COL6A3: variants seen among roughly 807,000 people sequenced by gnomAD.
COL6A3 encodes the protein collagen type VI alpha 3 chain, also known as collagen alpha-3(VI) chain.
COL6A3 carries 137 observed loss-of-function variants against 274.1 expected under a neutral mutation model. The observed-to-expected ratio is 0.50, with a 90% CI of 0.44 to 0.58. COL6A3 has a LOEUF of 0.58. Ranked by LOEUF, COL6A3 falls within the 20% of genes least tolerant of loss-of-function variation. The pLI is 0.00. For synonymous variants in COL6A3, 1,650 were observed against 1,650.6 expected (o/e 1.00, Z 0.01); for missense variants, 3,950 against 4,124.9 (o/e 0.96, Z 1.16).
At position 237,378,757 on chromosome 2, in the gene COL6A3, G is replaced by T; in HGVS notation, c.2376C>A (p.Asn792Lys). 6.2e-7 allele frequency: 1 copy of T among 1,614,216 alleles called. No homozygotes were observed. Among genetic ancestry groups the T allele is most frequent in the Non-Finnish European group, 8.5e-7 (1 of 1,180,046 alleles). Residue 792 changes from asparagine to lysine, a missense_variant, in exon 6 of 44, where the codon AAC (asparagine) becomes AAA (lysine). Physicochemically the swap from Asn to Lys is moderately conservative, Grantham distance 94. Around this residue, in one of 5 missense-constraint regions of COL6A3, gnomAD observed 1,934 missense variants for 1,984.3 expected, o/e 0.97. Coordinates refer to ENST00000295550, the MANE Select transcript of COL6A3 (RefSeq NM_004369.4). ...NKAELEQIAF[N>K]PSLVYLMDDF... is the part of the protein sequence containing the mutation. ...CATCCATGAGATACACCAGGCTTGG[G>T]TTAAAAGCAATCTGCTCAAGCTCTG...
At chr2:237,386,826 G>A (rs776662871) in intron 4 of COL6A3, among the ~76,000 whole-genome samples, 1 of 152,164 alleles carries the variant, frequency 6.6e-6, no homozygotes, top group Non-Finnish European at 1.5e-5. Context: ...CAGTTCAAAA[G>A]GTAGAGGAGG....
chr2:237,327,057 A>G (rs1373079784), intron 42 of COL6A3: 2 of 152,246 alleles, frequency 1.3e-5, no homozygotes, highest in African/African-American at 4.8e-5. Flanking sequence ...GGAAGTCAGA[A>G]TAAAATGAAG....
At chr2:237,412,736 G>A (rs1251646782) in intron 1 of COL6A3, among the ~76,000 whole-genome samples, 6 of 152,162 alleles carry the variant, frequency 3.9e-5, no homozygotes, top group Admixed American at 3.9e-4. Context: ...GGGAGCTGGG[G>A]GATCCCAGGT....
At position 237,388,070 on chromosome 2, in the gene COL6A3, C is replaced by T. The variant is rs2078197320; in HGVS notation, c.824G>A (p.Gly275Glu). 1 of 1,614,050 alleles carries T rather than the reference C, an allele frequency of 6.2e-7. No individual in the cohort carries two copies. The highest frequency in any genetic ancestry group is 1.1e-5 in the South Asian group (1 of 91,088). The change falls in exon 4 of 44, where the codon GGA becomes GAA. Residue 275 changes from glycine (G) to glutamate (E), a missense_variant. Physicochemically the swap from Gly to Glu is moderately conservative, Grantham distance 98. This residue lies in a region of COL6A3 where 1,934 missense variants were observed against 1,984.3 expected (regional missense o/e 0.97). Transcript: ENST00000295550. ...CACCCCCACTCGGATCTGCTGAGTT[C>T]CAATTGGGAGTTTCTCAAGGAGATT... ...LVNLLEKLPI[G>E]TQQIRVGVVQ... is the part of the protein sequence containing the mutation.
chr2:237,359,060 C>A lies in COL6A3; in HGVS notation c.6383G>T (p.Gly2128Val), dbSNP rs1559225723. 1 of 1,614,144 alleles carries A rather than the reference C, an allele frequency of 6.2e-7. No homozygotes were observed. The highest frequency in any genetic ancestry group is 8.5e-7 in the Non-Finnish European group (1 of 1,179,984). The stretch of plus-strand genomic sequence containing the variant: ...CCTTCTTCCAGGATTCCCTTTCTCT[C>A]CAGAAGAACCAGGCAATCCTTTGTC... ...DGDKGLPGSS[G>V]EKGNPGRRGD... Residue 2128 changes from glycine to valine, a missense_variant, in exon 20 of 44, where the codon GGA becomes GTA. Gly to Val is a moderately radical substitution (Grantham distance 109). Transcript: ENST00000295550.
chr2:237,359,458 A>G (rs2077388292), intron 17 of COL6A3, 70 bp from the exon 18 acceptor site: 1 of 1,521,220 alleles, frequency 6.6e-7, no homozygotes, highest in Non-Finnish European at 9.1e-7. Context: ...AGAAGAGGCC[A>G]AGGGCTGTTC....
chr2:237,360,252 G>A (rs1409081852), intron 16 of COL6A3, 93 bp from the exon 17 acceptor site: 11 of 1,231,196 alleles, frequency 8.9e-6, no homozygotes, highest in African/African-American at 1.5e-5. Flanking sequence ...ACTGTGAACA[G>A]CATGCAGCAG....
rs2132783 is a variant in COL6A3, at chr2:237,364,521, C to T, written c.5839-93G>A. On this transcript the variant is annotated intron_variant, in intron 12 of 43. Transcript: ENST00000295550. This position sits in a 1 kb window ranked among gnomAD's most constrained non-coding sequence, Gnocchi z 4.6. ...ACTGAGAGACTCGCTGTCTCAAGCC[C>T]TTCATTTTACACTTAAGGAAACTGA... 2 of 983,602 alleles carry T rather than the reference C, an allele frequency of 2.0e-6. No individual in the cohort carries two copies. Among genetic ancestry groups the T allele is most frequent in the East Asian group, 2.4e-5 (1 of 41,684 alleles). The allele number at this position is 983,602 out of a possible 1,614,324, so 60.9% of individuals were successfully genotyped here.
intron 41 of COL6A3, among the ~76,000 whole-genome samples, 171 bp downstream of exon 41, chr2:237,334,455 T>G (rs1700424412): frequency 6.6e-6 from 1 of 152,230 alleles, no homozygotes; most frequent in African/African-American, 2.4e-5. Flanking sequence ...TTTTATAAGC[T>G]TAGGCTGCCA....
intron 20 of COL6A3, among the ~76,000 whole-genome samples, 159 bp from the exon 21 acceptor site, chr2:237,358,742 G>A (rs559229495): frequency 1.4e-4 from 21 of 152,200 alleles, no homozygotes; most frequent in South Asian, 4.2e-4. Context: ...TTTTTCATTC[G>A]TTTAGTAAAT....
intron 24 of COL6A3, among the ~76,000 whole-genome samples, chr2:237,353,742 G>C (rs2077256478): frequency 6.6e-6 from 1 of 152,120 alleles, no homozygotes; most frequent in Admixed American, 6.5e-5. Context: ...TCTGGAAGAG[G>C]CGCCCGCCCG....
rs747934984 is a variant in COL6A3, at chr2:237,344,842, C to T, written c.7176G>A (p.Gly2392=). The T allele has an allele frequency of 6.2e-7, 1 of 1,613,348 alleles. No individual in the cohort carries two copies. Among genetic ancestry groups the T allele is most frequent in the South Asian group, 1.1e-5 (1 of 91,074 alleles). Residue 2392 remains glycine, a splice_region_variant and synonymous_variant, in exon 36 of 44, where the codon GGG becomes GGA. Transcript: ENST00000295550. This position sits in a 1 kb window ranked among gnomAD's most constrained non-coding sequence, Gnocchi z 4.8. ...TTGGGAAGACGGGGCACTCCAGGGGCCCTGTGGAAAGTAGAGGGTGGAGGG... is the reference window on the plus strand; with the variant it reads ...TTGGGAAGACGGGGCACTCCAGGGGTCCTGTGGAAAGTAGAGGGTGGAGGG... The part of the protein sequence containing the change: ...SIKDKCPCCY[G]PLECPVFPTE...
At chr2:237,362,897 T>C (rs1574981850) in intron 14 of COL6A3, among the ~76,000 whole-genome samples, 1 of 152,322 alleles carries the variant, frequency 6.6e-6, no homozygotes, top group South Asian at 2.1e-4. Context: ...AGATTTCAGA[T>C]GCTCTTGACA....
At chr2:237,357,682 T>C (rs1388649823) in intron 22 of COL6A3, 135 bp downstream of exon 22, 6 of 943,342 alleles carry the variant, frequency 6.4e-6, no homozygotes, top group African/African-American at 3.2e-5. Flanking sequence ...TCACGGGGAC[T>C]CTGCTGCTAA....
rs1277749781 is a variant in COL6A3 at position 237,387,565 on chromosome 2, G to A, written c.1312+17C>T. 2 of 1,613,746 alleles carry A rather than the reference G, an allele frequency of 1.2e-6. No individual in the cohort carries two copies. The highest frequency in any genetic ancestry group is 1.7e-6 in the Non-Finnish European group (2 of 1,179,974). Reference sequence around the variant, plus strand: ...AACACCCCACTCCCACACAGATGGTGAGAAGAGGATACATACCTTGTGTGA... The same window carrying A: ...AACACCCCACTCCCACACAGATGGTAAGAAGAGGATACATACCTTGTGTGA... On this transcript the variant is annotated intron_variant, in intron 4 of 43. Transcript: ENST00000295550.
chr2:237,371,766 C>T lies in COL6A3; in HGVS notation c.4251G>A (p.Gln1417=). 6.2e-7 allele frequency: 1 copy of T among 1,610,998 alleles called. No individual in the cohort carries two copies. The highest frequency in any genetic ancestry group is 8.5e-7 in the Non-Finnish European group (1 of 1,177,664). Residue 1417 remains glutamine (Q), a synonymous_variant, in exon 9 of 44, where the codon CAG becomes CAA. Coordinates refer to ENST00000295550, the MANE Select transcript of COL6A3 (RefSeq NM_004369.4). The surrounding 1 kb of genome is among the most constrained non-coding windows in gnomAD (Gnocchi z 4.3). ...PITTLTSEQI[Q]KLLASTRYPP... ...GATAGCGAGTGCTGGCTAAGAGCTT[C>T]TGGATCTGCTCTGAGGTCAGGGTCG...
intron 27 of COL6A3, 24 bp from the exon 28 acceptor site, chr2:237,350,233 G>T (rs1201644750): frequency 6.2e-7 from 1 of 1,613,310 alleles, no homozygotes; most frequent in Admixed American, 1.7e-5. Context: ...ACATGGCTGA[G>T]ACCCTGTGGC....
At chr2:237,360,010 C>T in intron 17 of COL6A3, 78 bp downstream of exon 17, 1 of 1,458,620 alleles carries the variant, frequency 6.9e-7, no homozygotes, top group Non-Finnish European at 9.6e-7. Context: ...CCAGCGCCTC[C>T]CTCCCTGGCA....
Position 237,370,676 on chromosome 2 carries a change from C to T in COL6A3, c.4285+1056G>A, listed in dbSNP as rs572107912. On this transcript the variant is annotated intron_variant, in intron 9 of 43. Transcript: ENST00000295550. ...TTGCTACTCCACACATTTCAACCTG[C>T]CCTTTGCCTCATACACAATTGGGCA... Among the ~76,000 whole-genome samples, 72 of 152,312 alleles carry T rather than the reference C, an allele frequency of 4.7e-4. 1 individual carries two copies. Among genetic ancestry groups the T allele is most frequent in the African/African-American group, 1.7e-3 (70 of 41,562 alleles).
Sources: allele counts gnomAD v4.1 joint callset (sites outside exome capture counted in the v4.1 genomes callset), GRCh38; gene constraint gnomAD v4.1.1; regional missense constraint gnomAD v4.1.1; non-coding constraint Gnocchi (gnomAD v3.1); transcripts MANE v1.5; gene names NCBI Gene and HGNC (gene_info 2026-07-23, HGNC 2026-07-21).